The following HRH1 variants were observed in gnomAD, a reference collection of about 807,000 sequenced individuals.
The protein encoded by HRH1 is histamine receptor H1, also known as histamine H1 receptor.
A neutral mutation model predicts 10.3 loss-of-function variants in HRH1; 6 were observed. The observed-to-expected ratio is 0.58, with a 90% CI of 0.32 to 1.15. The LOEUF (loss-of-function observed/expected upper bound fraction) is 1.15. Ranked by LOEUF, HRH1 falls within the 50% of genes most tolerant of loss-of-function variation. The pLI, the probability that HRH1 is intolerant of heterozygous loss-of-function variation, is 0.05. For synonymous variants in HRH1, 242 were observed against 236.7 expected (o/e 1.02, Z -0.21); for missense variants, 514 against 615.3 (o/e 0.84, Z 1.74).
At chr3:11,253,257 C>A (rs1939698872) in intron 1 of HRH1, 1 of 152,156 alleles carries the variant, frequency 6.6e-6, no homozygotes, top group African/African-American at 2.4e-5. Context: ...CTAAATTTAC[C>A]AAGGGCTGTT....
chr3:11,205,949 C>T (rs905606859), intron 1 of HRH1, among the ~76,000 whole-genome samples: 35 of 152,114 alleles, frequency 2.3e-4, no homozygotes, highest in African/African-American at 7.5e-4. Context: ...CGTGAGCCAC[C>T]GCGCCTGGCC....
At chr3:11,141,276 A>C (rs1936287616) in intron 1 of HRH1, among the ~76,000 whole-genome samples, 1 of 152,240 alleles carries the variant, frequency 6.6e-6, no homozygotes, top group African/African-American at 2.4e-5. Flanking sequence ...GTTAAATGAA[A>C]AATCACACAC....
intron 1 of HRH1, among the ~76,000 whole-genome samples, chr3:11,138,989 C>CTTTT (rs35542980): frequency 1.4e-5 from 2 of 140,078 alleles, no homozygotes; most frequent in African/African-American, 2.6e-5. Context: ...CTGCATTGTT[C>CTTTT]TTTTTTTTTT....
Position 11,138,358 on chromosome 3 carries a change from A to AC in HRH1, c.-36+959_-36+960insC, listed in dbSNP as rs535289314. Among the ~76,000 whole-genome samples the AC allele has an allele frequency of 5.3e-3, 805 of 152,110 alleles. 12 individuals are homozygous for AC. The highest frequency in any genetic ancestry group is 0.019 in the African/African-American group (769 of 41,504). ...CTCTTACAACTCAACACACACACAC[A>AC]AAAAACAACCCAGCCAAAAAATGGG... is the stretch of plus-strand genomic sequence containing the variant. On this transcript the variant is annotated intron_variant, in intron 1 of 1. Coordinates refer to the HRH1 transcript ENST00000438284.
intron 1 of HRH1, among the ~76,000 whole-genome samples, chr3:11,247,651 A>G (rs892386338): frequency 6.6e-6 from 1 of 152,142 alleles, no homozygotes; most frequent in Non-Finnish European, 1.5e-5. Flanking sequence ...AAGTTGGTCT[A>G]AGAAACAAAG....
chr3:11,197,510 A>G (rs1937709305), intron 1 of HRH1, among the ~76,000 whole-genome samples: 1 of 152,216 alleles, frequency 6.6e-6, no homozygotes, highest in Non-Finnish European at 1.5e-5. Flanking sequence ...GTTTTGAACA[A>G]AAGGTACTGT....
At chr3:11,257,499 G>A (rs1939812186) in intron 1 of HRH1, among the ~76,000 whole-genome samples, 1 of 151,578 alleles carries the variant, frequency 6.6e-6, no homozygotes, top group South Asian at 2.1e-4. Context: ...GCTGGAGATT[G>A]TAGTGAGCCA....
chr3:11,195,689 A>T (rs139385660), intron 1 of HRH1, among the ~76,000 whole-genome samples: 5 of 152,122 alleles, frequency 3.3e-5, no homozygotes, highest in African/African-American at 1.2e-4. Flanking sequence ...GTTGCCAGGG[A>T]CATAAACCAC....
At chr3:11,202,707 C>G (rs1396314357) in intron 1 of HRH1, among the ~76,000 whole-genome samples, 1 of 152,226 alleles carries the variant, frequency 6.6e-6, no homozygotes, top group Non-Finnish European at 1.5e-5. Context: ...CCTGCACTGT[C>G]AACATCCCCA....
intron 1 of HRH1, among the ~76,000 whole-genome samples, chr3:11,223,171 G>C (rs774910417): frequency 1.5e-3 from 168 of 108,852 alleles, no homozygotes; most frequent in Admixed American, 1.9e-3. Flanking sequence ...GCGACAAAGC[G>C]AGACTTCGTC....
chr3:11,192,139 T>C (rs1323793241), intron 1 of HRH1, among the ~76,000 whole-genome samples: 1 of 152,302 alleles, frequency 6.6e-6, no homozygotes, highest in East Asian at 1.9e-4. Context: ...GTACTTTTTA[T>C]TGAACTATAA....
chr3:11,138,771 C>A (rs1936235453), intron 1 of HRH1, among the ~76,000 whole-genome samples: 1 of 148,970 alleles, frequency 6.7e-6, no homozygotes, highest in African/African-American at 2.5e-5. Flanking sequence ...ATCTCCCAGG[C>A]TCAAGCAATC....
chr3:11,185,167 A>G (rs1363689642), intron 1 of HRH1, among the ~76,000 whole-genome samples: 1 of 152,164 alleles, frequency 6.6e-6, no homozygotes, highest in Non-Finnish European at 1.5e-5. Flanking sequence ...ATAAATTCAG[A>G]TTCAGAAAGT....
chr3:11,175,433 A>G (rs1298804015), intron 1 of HRH1, among the ~76,000 whole-genome samples: 1 of 152,214 alleles, frequency 6.6e-6, no homozygotes, highest in African/African-American at 2.4e-5. Flanking sequence ...TGTATAGATT[A>G]TGCTAGTGGG....
rs914587891 is a variant in HRH1 at position 11,215,683 on chromosome 3, C to T, written c.-35-43320C>T. Among the ~76,000 whole-genome samples the T allele has an allele frequency of 9.2e-5, 14 of 152,312 alleles. No individual in the cohort carries two copies. In the East Asian group the frequency reaches 2.5e-3, roughly 27 times the overall value. On this transcript the variant is annotated intron_variant, in intron 1 of 1. Coordinates refer to ENST00000431010, the MANE Select transcript of HRH1 (RefSeq NM_001098212.2). ...GTCTTGATCTCCTGACCTCGTGATC[C>T]GCCCGCCTCGGCCTCTCAGAGTGCT...
Position 11,243,638 on chromosome 3 carries a change from A to G in HRH1, c.-35-15365A>G, listed in dbSNP as rs540149944. Among the ~76,000 whole-genome samples the G allele has an allele frequency of 3.3e-5, 5 of 152,304 alleles. No homozygotes were observed. In the South Asian group the frequency reaches 6.2e-4, roughly 19 times the overall value. On this transcript the variant is annotated intron_variant, in intron 1 of 1. Transcript: ENST00000431010. ...TCGTTCTGTGCTCTAGGCACTTCCA[A>G]TGACTCCTCCCAATTCCTCAAACTC... is the stretch of plus-strand genomic sequence containing the variant.
chr3:11,236,176 G>A (rs1364163811), intron 1 of HRH1, among the ~76,000 whole-genome samples: 1 of 152,240 alleles, frequency 6.6e-6, no homozygotes, highest in Non-Finnish European at 1.5e-5. Flanking sequence ...TTGACACAGT[G>A]GCTCACGCCT....
intron 1 of HRH1, among the ~76,000 whole-genome samples, chr3:11,250,208 ATTTTTTT>A (rs71055857): frequency 0.036 from 3,824 of 106,902 alleles, 82 homozygotes; most frequent in East Asian, 0.1. Flanking sequence ...CACCCGGCTA[ATTTTTTT>A]TTTTTTTTTT....
chr3:11,194,442 CACTT>C (rs2125023177), intron 1 of HRH1, among the ~76,000 whole-genome samples: 1 of 152,352 alleles, frequency 6.6e-6, no homozygotes, highest in East Asian at 1.9e-4. Flanking sequence ...CTGCGCCAGA[CACTT>C]ACCCACGCTT....
Sources: allele counts gnomAD v4.1 joint callset (sites outside exome capture counted in the v4.1 genomes callset), GRCh38; gene constraint gnomAD v4.1.1; transcripts MANE v1.5; gene names NCBI Gene and HGNC (gene_info 2026-07-23, HGNC 2026-07-21).